The following SGCZ variants were observed in gnomAD, a reference collection of about 807,000 sequenced individuals.
The protein encoded by SGCZ is sarcoglycan zeta.
In SGCZ, 40 loss-of-function variants were observed where a neutral mutation model predicts 41.3. The ratio of observed to expected loss-of-function variants is 0.97; its 90% CI spans 0.75 to 1.26. The LOEUF is 1.26. Among genes scored for constraint, SGCZ ranks in the 50% most tolerant of loss-of-function variants. The pLI, the probability that SGCZ is intolerant of heterozygous loss-of-function variation, is 0.00. For synonymous variants in SGCZ, 206 were observed against 137.5 expected (o/e 1.50, Z -3.49); for missense variants, 552 against 369.8 (o/e 1.49, Z -4.04).
intron 7 of SGCZ, among the ~76,000 whole-genome samples, chr8:14,093,134 G>A (rs1191255743): frequency 6.6e-6 from 1 of 151,990 alleles, no homozygotes; most frequent in Non-Finnish European, 1.5e-5. Flanking sequence ...GCTTATGATT[G>A]TCTGAAGGGT....
chr8:14,859,444 G>A (rs1176030019), intron 1 of SGCZ, among the ~76,000 whole-genome samples: 2 of 152,046 alleles, frequency 1.3e-5, no homozygotes, highest in African/African-American at 4.8e-5. Flanking sequence ...ATAAAAACTA[G>A]TTTAACCCTA....
intron 3 of SGCZ, among the ~76,000 whole-genome samples, chr8:14,295,143 T>A (rs1800966720): frequency 6.6e-6 from 1 of 152,330 alleles, no homozygotes; most frequent in South Asian, 2.1e-4. Flanking sequence ...TAAATGTTTA[T>A]AGCGGCTTTA....
intron 1 of SGCZ, among the ~76,000 whole-genome samples, chr8:15,029,172 A>T (rs1249011956): frequency 1.3e-5 from 2 of 152,098 alleles, no homozygotes; most frequent in African/African-American, 4.8e-5. Flanking sequence ...AACAGCAAGC[A>T]ATACAGCATA....
intron 5 of SGCZ, among the ~76,000 whole-genome samples, chr8:14,138,691 C>T (rs1019234231): frequency 1.3e-5 from 2 of 152,162 alleles, no homozygotes; most frequent in African/African-American, 4.8e-5. Context: ...ATTCATAAAG[C>T]AAGTTCTTAC....
chr8:14,494,417 A>G (rs1801930825), intron 2 of SGCZ, among the ~76,000 whole-genome samples: 1 of 152,182 alleles, frequency 6.6e-6, no homozygotes, highest in South Asian at 2.1e-4. Flanking sequence ...AAGTTTTATG[A>G]TGAGAGAAGA....
intron 1 of SGCZ, among the ~76,000 whole-genome samples, chr8:14,683,675 A>G (rs1808517029): frequency 6.6e-6 from 1 of 152,154 alleles, no homozygotes; most frequent in African/African-American, 2.4e-5. Flanking sequence ...ATACCATAAC[A>G]AAATAACATA....
At chr8:14,400,786 T>A (rs939175206) in intron 2 of SGCZ, among the ~76,000 whole-genome samples, 8 of 152,112 alleles carry the variant, frequency 5.3e-5, no homozygotes, top group African/African-American at 1.9e-4. Context: ...AAGTAAAATA[T>A]ATGCACACAT....
At chr8:14,347,327 G>C (rs1286694698) in intron 2 of SGCZ, among the ~76,000 whole-genome samples, 1 of 152,002 alleles carries the variant, frequency 6.6e-6, no homozygotes, top group Non-Finnish European at 1.5e-5. Flanking sequence ...ACAATAATTT[G>C]CTACATGAAT....
At chr8:14,402,073 G>A (rs1482577902) in intron 2 of SGCZ, among the ~76,000 whole-genome samples, 5 of 152,160 alleles carry the variant, frequency 3.3e-5, no homozygotes, top group Non-Finnish European at 5.9e-5. Context: ...TTTTTAGGCT[G>A]CATAAATGTC....
chr8:14,437,340 T>C (rs1332327070), intron 2 of SGCZ, among the ~76,000 whole-genome samples: 1 of 152,174 alleles, frequency 6.6e-6, no homozygotes, highest in Non-Finnish European at 1.5e-5. Flanking sequence ...TTTGCTGTAG[T>C]ATCACAGAAT....
chr8:15,028,982 G>C (rs1803557241), intron 1 of SGCZ, among the ~76,000 whole-genome samples: 1 of 151,994 alleles, frequency 6.6e-6, no homozygotes, highest in Non-Finnish European at 1.5e-5. Context: ...ACATTTTCCT[G>C]CATACTGATG....
At chr8:14,303,909 G>A (rs372639718) in intron 3 of SGCZ, among the ~76,000 whole-genome samples, 16 of 151,812 alleles carry the variant, frequency 1.1e-4, no homozygotes, top group East Asian at 7.9e-4. Flanking sequence ...CCGCCACCAA[G>A]CCCAGCTAAT....
At chr8:14,644,433 G>C (rs1585149478) in intron 1 of SGCZ, among the ~76,000 whole-genome samples, 2 of 151,960 alleles carry the variant, frequency 1.3e-5, no homozygotes, top group East Asian at 3.9e-4. Context: ...TCTTACCCAA[G>C]TTTCCAGTTA....
chr8:14,774,953 T>C (rs1303529946), intron 1 of SGCZ, among the ~76,000 whole-genome samples: 3 of 152,096 alleles, frequency 2.0e-5, no homozygotes, highest in Non-Finnish European at 2.9e-5. Context: ...TCTAAGAAAA[T>C]TGTCATTGTA....
At chr8:14,708,604 A>T (rs1809406784) in intron 1 of SGCZ, among the ~76,000 whole-genome samples, 1 of 152,166 alleles carries the variant, frequency 6.6e-6, no homozygotes, top group South Asian at 2.1e-4. Context: ...GCTCTCAGGA[A>T]TCAAACAGAA....
At chr8:14,386,527 C>T (rs1215501167) in intron 2 of SGCZ, among the ~76,000 whole-genome samples, 2 of 152,078 alleles carry the variant, frequency 1.3e-5, no homozygotes, top group Non-Finnish European at 2.9e-5. Flanking sequence ...CTTTCTTTTT[C>T]TCTAATCATC....
intron 7 of SGCZ, 23 bp from the exon 8 acceptor site, chr8:14,090,660 T>C (rs771144903): frequency 1.3e-6 from 2 of 1,596,398 alleles, no homozygotes; most frequent in Admixed American, 1.7e-5. Flanking sequence ...AGAAATTGCA[T>C]TTTAATTCAT....
Position 14,302,786 on chromosome 8 carries a change from T to A in SGCZ, c.336+21317A>T, listed in dbSNP as rs546257311. ...TAAATTTTTTTCCACATATCTCATA[T>A]TTATTCTGGACAAAACTACCAGATA... On this transcript the variant is annotated intron_variant, in intron 3 of 7. Transcript: ENST00000382080. Among the ~76,000 whole-genome samples the A allele has an allele frequency of 7.9e-5, 12 of 152,312 alleles. No individual in the cohort carries two copies. The South Asian group carries it at 2.5e-3, about 32-fold the overall frequency.
At position 15,139,647 on chromosome 8, in the gene SGCZ, T is replaced by C. The variant is rs12114925; in HGVS notation, c.39+97938A>G. Among the ~76,000 whole-genome samples, 21 of 152,176 alleles carry C rather than the reference T, an allele frequency of 1.4e-4. 1 individual carries two copies. The highest frequency in any genetic ancestry group is 8.8e-5 in the Non-Finnish European group (6 of 67,978). On this transcript the variant is annotated intron_variant, in intron 1 of 7. Coordinates refer to ENST00000382080, the MANE Select transcript of SGCZ (RefSeq NM_139167.4). Reference sequence around the variant, plus strand: ...GACAAAACCAGCTAAAGTCTACTTATTTAACCAAAATTCCAAATACCATAA... The same window carrying C: ...GACAAAACCAGCTAAAGTCTACTTACTTAACCAAAATTCCAAATACCATAA...
Sources: gnomAD v4.1 joint callset for allele counts (sites outside exome capture counted in the v4.1 genomes callset) on GRCh38, gnomAD v4.1.1 for gene constraint, MANE v1.5 for transcripts, NCBI Gene and HGNC (gene_info 2026-07-23, HGNC 2026-07-21) for gene names.